ANO6: variants seen among roughly 807,000 people sequenced by gnomAD.
ANO6 encodes anoctamin 6, also known as anoctamin-6.
Under a neutral mutation model 117.5 loss-of-function variants are expected in ANO6, and 106 were observed. The ratio of observed to expected loss-of-function variants is 0.90; its 90% CI spans 0.77 to 1.06. The LOEUF is 1.06. Among genes scored for constraint, ANO6 ranks in the 50% least tolerant of loss-of-function variants. The pLI is 0.00. For missense variants in ANO6, 955 were observed against 1,121.1 expected (o/e 0.85, Z 2.12); for synonymous variants, 367 against 385.1 (o/e 0.95, Z 0.55).
At chr12:45,342,376 G>A (rs12297071) in intron 3 of ANO6, among the ~76,000 whole-genome samples, 11,980 of 152,186 alleles carry the variant, frequency 0.079, 691 homozygotes, top group East Asian at 0.32. Flanking sequence ...AACTGCCCTC[G>A]TGTGGGGCTG....
intron 7 of ANO6, 149 bp downstream of exon 7, chr12:45,350,923 C>A: frequency 1.5e-6 from 1 of 675,534 alleles, no homozygotes; most frequent in Non-Finnish European, 2.7e-6. Context: ...TTTATTGAGG[C>A]TTAATTATGT....
intron 1 of ANO6, among the ~76,000 whole-genome samples, chr12:45,255,613 C>G (rs1189008401): frequency 6.6e-6 from 1 of 152,178 alleles, no homozygotes; most frequent in Non-Finnish European, 1.5e-5. Flanking sequence ...AGAATCATCC[C>G]AAAGCCATTT....
At chr12:45,395,728 C>G (rs1341649561) in intron 12 of ANO6, among the ~76,000 whole-genome samples, 1 of 152,160 alleles carries the variant, frequency 6.6e-6, no homozygotes, top group East Asian at 1.9e-4. Context: ...TAAACAGATC[C>G]AGTGACAAAA....
intron 9 of ANO6, among the ~76,000 whole-genome samples, chr12:45,371,251 G>C (rs1941824631): frequency 6.6e-6 from 1 of 152,214 alleles, no homozygotes; most frequent in Admixed American, 6.5e-5. Flanking sequence ...AGCAGTCTGA[G>C]ATCAAACTGC....
chr12:45,315,617 C>G (rs1939999272), intron 2 of ANO6, among the ~76,000 whole-genome samples: 1 of 152,014 alleles, frequency 6.6e-6, no homozygotes, highest in Non-Finnish European at 1.5e-5. Context: ...CCTCAGCTTC[C>G]ATGATGAGCT....
chr12:45,435,583 CTT>C (rs1409233109), downstream of ANO6, among the ~76,000 whole-genome samples: 1 of 152,118 alleles, frequency 6.6e-6, no homozygotes, highest in Non-Finnish European at 1.5e-5. Context: ...GGAAAGGAAA[CTT>C]TGGGGTAAAA....
At chr12:45,424,334 T>TTTGTTG (rs1943442864) in intron 19 of ANO6, among the ~76,000 whole-genome samples, 1 of 121,758 alleles carries the variant, frequency 8.2e-6, no homozygotes, top group African/African-American at 3.1e-5. Flanking sequence ...TGGGTTTTTT[T>TTTGTTG]TTTTTTTTTT....
At chr12:45,403,998 A>G (rs1432962387) in intron 15 of ANO6, among the ~76,000 whole-genome samples, 3 of 152,146 alleles carry the variant, frequency 2.0e-5, no homozygotes, top group South Asian at 2.1e-4. Context: ...CTACCAAACT[A>G]TCCTTATTTT....
At chr12:45,326,456 A>G (rs767525248) in intron 2 of ANO6, among the ~76,000 whole-genome samples, 4 of 152,198 alleles carry the variant, frequency 2.6e-5, no homozygotes, top group African/African-American at 7.2e-5. Context: ...AAAATACACA[A>G]TTGATAACCT....
chr12:45,360,354 G>A (rs963987456), intron 8 of ANO6, among the ~76,000 whole-genome samples: 1 of 152,178 alleles, frequency 6.6e-6, no homozygotes, highest in Non-Finnish European at 1.5e-5. Context: ...CATAGCAGAA[G>A]GCATAAGGGC....
Position 45,255,150 on chromosome 12 carries a change from A to G in ANO6, c.70+38759A>G, listed in dbSNP as rs115642863. Among the ~76,000 whole-genome samples, 514 of 152,344 alleles carry G rather than the reference A, an allele frequency of 3.4e-3. 3 individuals are homozygous for G. Among genetic ancestry groups the G allele is most frequent in the African/African-American group, 0.011 (465 of 41,586 alleles). ...GCATCTTGTTATCTATCATTCATTT[A>G]TAATCTCCCCTTTTATTATTCTGAC... On this transcript the variant is annotated intron_variant, in intron 1 of 19. Transcript: ENST00000320560.
At chr12:45,381,691 T>C (rs1285306601) in intron 10 of ANO6, among the ~76,000 whole-genome samples, 1 of 152,240 alleles carries the variant, frequency 6.6e-6, no homozygotes, top group Admixed American at 6.5e-5. Context: ...CACCAGACTA[T>C]GTCTTGCTTG....
At chr12:45,395,457 T>C (rs1478012705) in intron 12 of ANO6, among the ~76,000 whole-genome samples, 2 of 151,996 alleles carry the variant, frequency 1.3e-5, no homozygotes, top group Non-Finnish European at 2.9e-5. Context: ...TTCCAATCAA[T>C]AGAAAAAGAG....
Position 45,238,212 on chromosome 12 carries a change from A to G in ANO6, c.70+21821A>G, listed in dbSNP as rs544750661. ...GTCGCCCAGGCTGGAGTGCAGTGGC[A>G]GGATCTCGGCTCACTGCAAGCTCTG... On this transcript the variant is annotated intron_variant, in intron 1 of 19. Transcript: ENST00000320560. 5.9e-3 allele frequency among the ~76,000 whole-genome samples: 868 copies of G among 146,096 alleles called. 13 individuals are homozygous for G. The highest frequency in any genetic ancestry group is 0.021 in the African/African-American group (826 of 38,910).
chr12:45,403,348 T>C (rs1942845987), intron 14 of ANO6, 91 bp from the exon 15 acceptor site: 1 of 1,533,444 alleles, frequency 6.5e-7, no homozygotes, highest in Non-Finnish European at 9.0e-7. Context: ...TTTTTTAGCC[T>C]AAACAGAACA....
At chr12:45,421,375 T>C in intron 18 of ANO6, 102 bp downstream of exon 18, 1 of 1,232,838 alleles carries the variant, frequency 8.1e-7, no homozygotes, top group Non-Finnish European at 1.2e-6. Context: ...TTTATTTCTT[T>C]ATAACTTCAG....
chr12:45,437,351 T>G (rs1943718413), intron 19 of ANO6, among the ~76,000 whole-genome samples: 1 of 152,168 alleles, frequency 6.6e-6, no homozygotes, highest in South Asian at 2.1e-4. Context: ...AGCCAGACAT[T>G]AAAAATAAAA....
At position 45,240,351 on chromosome 12, in the gene ANO6, A is replaced by AT. The variant is rs57126852; in HGVS notation, c.70+23996dup. ...TCAGAGACTAGGATTGCAACCCCTG[A>AT]TTTTTTTTTTTTTTTTTTTTTTTTT... is the stretch of plus-strand genomic sequence containing the variant. On this transcript the variant is annotated intron_variant, in intron 1 of 19. Coordinates refer to ENST00000320560, the MANE Select transcript of ANO6 (RefSeq NM_001025356.3). 7.2e-4 allele frequency among the ~76,000 whole-genome samples: 22 copies of AT among 30,734 alleles called. 3 individuals carry two copies. The highest frequency in any genetic ancestry group is 1.4e-3 in the Non-Finnish European group (16 of 11,554). 20.2% of individuals were successfully genotyped at this position (30,734 alleles called of 152,430 possible).
chr12:45,343,040 G>A (rs1941025657), intron 3 of ANO6, among the ~76,000 whole-genome samples: 1 of 152,086 alleles, frequency 6.6e-6, no homozygotes, highest in Non-Finnish European at 1.5e-5. Context: ...TCTCTGTAAG[G>A]AAGGAGGTGA....
Sources: allele counts gnomAD v4.1 joint callset (sites outside exome capture counted in the v4.1 genomes callset), GRCh38; gene constraint gnomAD v4.1.1; transcripts MANE v1.5; gene names NCBI Gene and HGNC (gene_info 2026-07-23, HGNC 2026-07-21).